LRRFIP1: variants seen among roughly 807,000 people sequenced by gnomAD.
LRRFIP1 encodes LRR binding FLII interacting protein 1.
In LRRFIP1, 62 loss-of-function variants were observed where a neutral mutation model predicts 104.4. That is an observed-to-expected ratio of 0.59 (90% CI 0.48 to 0.73). The LOEUF is 0.73. Among genes scored for constraint, LRRFIP1 ranks in the 30% least tolerant of loss-of-function variants. LRRFIP1 has a pLI of 0.00. For synonymous variants in LRRFIP1, 300 were observed against 299.0 expected, an observed-to-expected ratio of 1.00 and a Z score of -0.03; for missense variants, 796 against 824.5, an observed-to-expected ratio of 0.97 and a Z score of 0.42.
intron 8 of LRRFIP1, 118 bp downstream of exon 8, chr2:237,728,053 T>C: frequency 1.4e-6 from 1 of 712,206 alleles, no homozygotes; most frequent in South Asian, 1.9e-5. Flanking sequence ...AATTTTAAAA[T>C]CGGTCTGTCT....
chr2:237,656,870 A>G (rs80215357), intron 1 of LRRFIP1, among the ~76,000 whole-genome samples: 1,883 of 152,342 alleles, frequency 0.012, 32 homozygotes, highest in African/African-American at 0.042. Context: ...GCTCCTAAAA[A>G]CATTACTGAA....
At position 237,735,221 on chromosome 2, in the gene LRRFIP1, T is replaced by C. The variant is rs773776698; in HGVS notation, c.490-47T>C. 4.5e-6 allele frequency: 7 copies of C among 1,547,322 alleles called. No individual in the cohort carries two copies. The South Asian group carries it at 6.8e-5, about 15-fold the overall frequency. On this transcript the variant is annotated intron_variant, in intron 9 of 23. Coordinates refer to ENST00000308482, the MANE Select transcript of LRRFIP1 (RefSeq NM_001137550.2). The surrounding 1 kb of genome is among the most constrained non-coding windows in gnomAD (Gnocchi z 4.6). ...CGTTTTCAGCACTTTCTGGGCACTC[T>C]TGGAGAAAGGAAGAGCGCCCATCCT...
At chr2:237,712,819 C>T (rs894722713) in intron 2 of LRRFIP1, among the ~76,000 whole-genome samples, 4 of 152,206 alleles carry the variant, frequency 2.6e-5, no homozygotes, top group Non-Finnish European at 5.9e-5. Context: ...TTGCATATCA[C>T]ATCTCTGGGC....
At chr2:237,719,117 T>C (rs1240322899) in intron 4 of LRRFIP1, among the ~76,000 whole-genome samples, 1 of 152,178 alleles carries the variant, frequency 6.6e-6, no homozygotes, top group Admixed American at 6.5e-5. Flanking sequence ...CAATACATAG[T>C]AGAAAGAGTG....
chr2:237,727,181 C>T (rs893919241), intron 7 of LRRFIP1, among the ~76,000 whole-genome samples: 1 of 152,020 alleles, frequency 6.6e-6, no homozygotes, highest in Non-Finnish European at 1.5e-5. Flanking sequence ...CATGATGAAA[C>T]CCCGTCTCTA....
At chr2:237,768,785 TAAATGA>T (rs2060396425) in intron 19 of LRRFIP1, 1 of 152,236 alleles carries the variant, frequency 6.6e-6, no homozygotes, top group Admixed American at 6.5e-5. Flanking sequence ...GATGATTTTT[TAAATGA>T]AAATGAAGAT....
intron 1 of LRRFIP1, among the ~76,000 whole-genome samples, chr2:237,683,790 C>G (rs1291212291): frequency 1.3e-5 from 2 of 152,186 alleles, no homozygotes; most frequent in African/African-American, 4.8e-5. Context: ...CTCACCGTTC[C>G]TGATGTTCAT....
At chr2:237,718,021 C>A (rs75915375) in intron 4 of LRRFIP1, among the ~76,000 whole-genome samples, 2,451 of 152,310 alleles carry the variant, frequency 0.016, 23 homozygotes, top group Non-Finnish European at 0.026. Flanking sequence ...TAGAAACAGT[C>A]CTGGTCTTGC....
At chr2:237,682,510 G>A (rs1451400722) in intron 1 of LRRFIP1, among the ~76,000 whole-genome samples, 1 of 152,170 alleles carries the variant, frequency 6.6e-6, no homozygotes, top group Non-Finnish European at 1.5e-5. Context: ...TCTGTGTAGG[G>A]GTGCAGGGTT....
At chr2:237,755,315 G>A (rs2150737685) in intron 15 of LRRFIP1, among the ~76,000 whole-genome samples, 1 of 152,336 alleles carries the variant, frequency 6.6e-6, no homozygotes, top group South Asian at 2.1e-4. Flanking sequence ...GGGCAGCCCT[G>A]AAGCACAGAG....
intron 1 of LRRFIP1, among the ~76,000 whole-genome samples, chr2:237,671,228 CA>C (rs1432028520): frequency 1.3e-5 from 2 of 152,196 alleles, no homozygotes; most frequent in Non-Finnish European, 2.9e-5. Context: ...GCACTACACA[CA>C]TATCCTACAA....
intron 3 of LRRFIP1, among the ~76,000 whole-genome samples, chr2:237,715,675 G>A (rs982540298): frequency 2.0e-5 from 3 of 152,236 alleles, no homozygotes; most frequent in Admixed American, 6.5e-5. Context: ...GAGAGGAGGC[G>A]GCGATTGCGC....
intron 21 of LRRFIP1, chr2:237,772,550 A>G (rs532081642): frequency 2.7e-4 from 134 of 490,938 alleles, no homozygotes; most frequent in Admixed American, 3.0e-4. Context: ...AAACAGTCTT[A>G]AGGGAGATAA....
chr2:237,684,535 T>A (rs1404023722), intron 1 of LRRFIP1: 2 of 152,280 alleles, frequency 1.3e-5, no homozygotes, highest in African/African-American at 4.8e-5. Context: ...ATTTATTTCT[T>A]CTCAGTGGGG....
In LRRFIP1 at chr2:237,691,328, C is replaced by T. The variant is rs1006633909; in HGVS notation, c.97-17216C>T. On this transcript the variant is annotated intron_variant, in intron 1 of 23. Transcript: ENST00000308482. This position sits in a 1 kb window ranked among gnomAD's most constrained non-coding sequence, Gnocchi z 5.4. ...GAGGGCGCCCTGTGCCTGGAGGTGGCGCGGGCTGGAGCCCTCCCGGAGGAG... is the reference window on the plus strand; with the variant it reads ...GAGGGCGCCCTGTGCCTGGAGGTGGTGCGGGCTGGAGCCCTCCCGGAGGAG... 2.6e-5 allele frequency among the ~76,000 whole-genome samples: 4 copies of T among 152,226 alleles called. No homozygotes were observed. Among genetic ancestry groups the T allele is most frequent in the African/African-American group, 9.6e-5 (4 of 41,454 alleles).
intron 11 of LRRFIP1, among the ~76,000 whole-genome samples, chr2:237,740,717 C>G (rs1457579406): frequency 6.6e-6 from 1 of 152,142 alleles, no homozygotes; most frequent in Admixed American, 6.5e-5. Context: ...TCAGCAAATG[C>G]AGGTATCAGC....
chr2:237,779,300 G>A, intron 23 of LRRFIP1, 122 bp from the exon 24 acceptor site: 1 of 1,415,458 alleles, frequency 7.1e-7, no homozygotes, highest in Admixed American at 2.5e-5. Context: ...GGCATCATGA[G>A]GGACCAGGGG....
At position 237,735,095 on chromosome 2, in the gene LRRFIP1, G is replaced by T. The variant is rs1032740852; in HGVS notation, c.490-173G>T. On this transcript the variant is annotated intron_variant, in intron 9 of 23. Transcript: ENST00000308482. This position sits in a 1 kb window ranked among gnomAD's most constrained non-coding sequence, Gnocchi z 4.6. Reference sequence around the variant, plus strand: ...ACCGGTCTCTCCTCATTTCCTTGTCGCACTCTGCAACCCTTTGAAGAGCTG... The same window carrying T: ...ACCGGTCTCTCCTCATTTCCTTGTCTCACTCTGCAACCCTTTGAAGAGCTG... Among the ~76,000 whole-genome samples, 3 of 152,038 alleles carry T rather than the reference G, an allele frequency of 2.0e-5. No individual in the cohort carries two copies. Among genetic ancestry groups the T allele is most frequent in the East Asian group, 1.9e-4 (1 of 5,188 alleles).
chr2:237,630,670 G>A (rs1303256191), intron 1 of LRRFIP1, among the ~76,000 whole-genome samples: 1 of 152,226 alleles, frequency 6.6e-6, no homozygotes, highest in Non-Finnish European at 1.5e-5. Flanking sequence ...ACCCTGACTG[G>A]ACTGACATTG....
Sources: gnomAD v4.1 joint callset for allele counts (sites outside exome capture counted in the v4.1 genomes callset) on GRCh38, gnomAD v4.1.1 for gene constraint, Gnocchi (gnomAD v3.1) non-coding constraint, MANE v1.5 for transcripts, NCBI Gene and HGNC (gene_info 2026-07-23, HGNC 2026-07-21) for gene names.